Variants in DOCK10 observed in about 807,000 individuals in gnomAD.
DOCK10 encodes the protein dedicator of cytokinesis protein 10.
Under a neutral mutation model 280.1 loss-of-function variants are expected in DOCK10, and 145 were observed. The ratio of observed to expected loss-of-function variants is 0.52; its 90% CI spans 0.45 to 0.59. The LOEUF is 0.59. Ranked by LOEUF, DOCK10 falls within the 20% of genes least tolerant of loss-of-function variation. The pLI, the probability that DOCK10 is intolerant of heterozygous loss-of-function variation, is 0.00. For missense variants in DOCK10, 2,368 were observed against 2,651.7 expected (o/e 0.89, Z 2.35); for synonymous variants, 915 against 942.2 (o/e 0.97, Z 0.53).
intron 1 of DOCK10, among the ~76,000 whole-genome samples, chr2:224,967,218 T>C (rs527514313): frequency 2.6e-5 from 4 of 152,224 alleles, no homozygotes; most frequent in African/African-American, 9.6e-5. Flanking sequence ...TAGTTGGGAC[T>C]ACAGGGGCCC....
chr2:224,884,552 C>A (rs1379036141), intron 7 of DOCK10, among the ~76,000 whole-genome samples: 1 of 152,180 alleles, frequency 6.6e-6, no homozygotes. Flanking sequence ...GATTCGAAAG[C>A]CAAATGTCCA....
intron 1 of DOCK10, among the ~76,000 whole-genome samples, chr2:225,036,269 A>C (rs1690258347): frequency 6.6e-6 from 1 of 152,202 alleles, no homozygotes; most frequent in Non-Finnish European, 1.5e-5. Context: ...TGGTAGATGG[A>C]GGAGAGAATA....
intron 18 of DOCK10, among the ~76,000 whole-genome samples, chr2:224,851,460 A>ATTTTT (rs1559559427): frequency 1.4e-5 from 2 of 138,488 alleles, no homozygotes; most frequent in Non-Finnish European, 1.6e-5. Flanking sequence ...TTTTTTTTTA[A>ATTTTT]AAAAAAAAAA....
chr2:224,909,055 C>A (rs1700845314), intron 3 of DOCK10, among the ~76,000 whole-genome samples: 1 of 152,180 alleles, frequency 6.6e-6, no homozygotes, highest in Non-Finnish European at 1.5e-5. Context: ...GTTCTCAATT[C>A]TTTGCTCCCT....
Position 225,041,588 on chromosome 2 carries a change from A to G in DOCK10, c.123+664T>C, listed in dbSNP as rs147991064. Among the ~76,000 whole-genome samples the G allele has an allele frequency of 3.4e-3, 512 of 152,284 alleles. 2 individuals carry two copies. The highest frequency in any genetic ancestry group is 4.9e-3 in the Non-Finnish European group (334 of 68,032). On this transcript the variant is annotated intron_variant, in intron 1 of 55. Coordinates refer to ENST00000258390, the MANE Select transcript of DOCK10 (RefSeq NM_014689.3). ...ATTGCTGGTGGGAGAACCCCGCGAAACATCTTAGAAAAATATCAGAAACCG... is the reference window on the plus strand; with the variant it reads ...ATTGCTGGTGGGAGAACCCCGCGAAGCATCTTAGAAAAATATCAGAAACCG...
chr2:224,882,193 T>C (rs1699016648), intron 7 of DOCK10, among the ~76,000 whole-genome samples: 1 of 152,156 alleles, frequency 6.6e-6, no homozygotes, highest in East Asian at 1.9e-4. Flanking sequence ...AATGAATGGA[T>C]GGATAGATGA....
chr2:224,960,740 TTTTTTTTTTTTTTTTTTGA>T, intron 1 of DOCK10, among the ~76,000 whole-genome samples: 1 of 134,872 alleles, frequency 7.4e-6, no homozygotes, highest in South Asian at 2.6e-4. Flanking sequence ...CTTTTTTTTT[TTTTTTTTTTTTTTTTTTGA>T]GATGGAGTTT....
intron 3 of DOCK10, among the ~76,000 whole-genome samples, chr2:224,903,084 C>A (rs185834824): frequency 6.6e-6 from 1 of 152,096 alleles, no homozygotes; most frequent in African/African-American, 2.4e-5. Flanking sequence ...GGCGACAGAG[C>A]GAGACTCCGT....
intron 5 of DOCK10, 97 bp downstream of exon 5, chr2:224,886,362 G>A (rs1360943239): frequency 6.1e-6 from 9 of 1,463,582 alleles, no homozygotes; most frequent in African/African-American, 2.8e-5. Context: ...AGCTACTACA[G>A]CTTACAACAA....
intron 28 of DOCK10, 114 bp from the exon 29 acceptor site, chr2:224,819,643 ATAAT>A: frequency 6.5e-6 from 4 of 617,376 alleles, no homozygotes; most frequent in Non-Finnish European, 1.1e-5. Flanking sequence ...AATGTGTTGT[ATAAT>A]TAGGTATTTA....
At chr2:224,775,498 CA>C (rs1690784668) in intron 51 of DOCK10, among the ~76,000 whole-genome samples, 1 of 151,384 alleles carries the variant, frequency 6.6e-6, no homozygotes, top group Admixed American at 6.6e-5. Flanking sequence ...TTTTTTGAGA[CA>C]GGGTCTTGCT....
chr2:224,912,297 G>C (rs974022061), intron 3 of DOCK10, among the ~76,000 whole-genome samples: 1 of 151,848 alleles, frequency 6.6e-6, no homozygotes, highest in Non-Finnish European at 1.5e-5. Flanking sequence ...CACTACTCCC[G>C]GGTAATTTTG....
chr2:224,821,917 A>C (rs1364227222), intron 28 of DOCK10, among the ~76,000 whole-genome samples: 1 of 152,186 alleles, frequency 6.6e-6, no homozygotes, highest in East Asian at 1.9e-4. Context: ...AAAAGTAAAA[A>C]TCAGAGACAA....
chr2:225,005,139 A>G (rs1706532904), intron 1 of DOCK10, among the ~76,000 whole-genome samples: 1 of 152,226 alleles, frequency 6.6e-6, no homozygotes, highest in Non-Finnish European at 1.5e-5. Context: ...CATGAGATAG[A>G]TAGAATTTGT....
At chr2:224,882,070 A>G (rs758475985) in intron 7 of DOCK10, among the ~76,000 whole-genome samples, 4 of 152,118 alleles carry the variant, frequency 2.6e-5, no homozygotes, top group Non-Finnish European at 5.9e-5. Context: ...CACTGTCCAC[A>G]CCCATGTAAG....
At chr2:224,880,059 A>C (rs1698887724) in intron 7 of DOCK10, among the ~76,000 whole-genome samples, 1 of 152,194 alleles carries the variant, frequency 6.6e-6, no homozygotes, top group African/African-American at 2.4e-5. Flanking sequence ...ACACTAACAA[A>C]ATTTTGAAAT....
intron 1 of DOCK10, among the ~76,000 whole-genome samples, chr2:224,990,601 T>A (rs1706100403): frequency 1.3e-5 from 2 of 152,006 alleles, no homozygotes; most frequent in South Asian, 2.1e-4. Context: ...TTGTTGTAGT[T>A]GTTGTTGTTG....
intron 31 of DOCK10, among the ~76,000 whole-genome samples, chr2:224,813,461 G>A (rs1693918782): frequency 6.6e-6 from 1 of 152,170 alleles, no homozygotes; most frequent in African/African-American, 2.4e-5. Context: ...CTCCCAAAGT[G>A]TTGAGATTAC....
At chr2:224,992,512 C>A (rs543476994) in intron 1 of DOCK10, among the ~76,000 whole-genome samples, 2 of 152,310 alleles carry the variant, frequency 1.3e-5, no homozygotes, top group South Asian at 2.1e-4. Flanking sequence ...CAGGGACAAC[C>A]AAAGTTTAAG....
Sources: gnomAD v4.1 joint callset for allele counts (sites outside exome capture counted in the v4.1 genomes callset) on GRCh38, gnomAD v4.1.1 for gene constraint, MANE v1.5 for transcripts, NCBI Gene and HGNC (gene_info 2026-07-23, HGNC 2026-07-21) for gene names.